PHACTR1: variants seen among roughly 807,000 people sequenced by gnomAD.
The protein encoded by PHACTR1 is phosphatase and actin regulator 1, also known as RPEL repeat containing 1.
A neutral mutation model predicts 69.2 loss-of-function variants in PHACTR1; 16 were observed. That is an observed-to-expected ratio of 0.23 (90% CI 0.16 to 0.35). The LOEUF (loss-of-function observed/expected upper bound fraction) is 0.35, where lower values mean the gene tolerates loss of function less well. Among genes scored for constraint, PHACTR1 ranks in the 10% least tolerant of loss-of-function variants. PHACTR1 has a pLI of 1.00. For missense variants in PHACTR1, 510 were observed against 734.7 expected (o/e 0.69, Z 3.54); for synonymous variants, 312 against 284.5 (o/e 1.10, Z -0.97).
chr6:13,187,844 G>A (rs1476872924), intron 7 of PHACTR1, among the ~76,000 whole-genome samples: 1 of 152,268 alleles, frequency 6.6e-6, no homozygotes, highest in African/African-American at 2.4e-5. Context: ...ATATCAGTGA[G>A]AAGAGAGAGA....
At chr6:13,000,871 T>C (rs535691325) in intron 4 of PHACTR1, among the ~76,000 whole-genome samples, 1 of 152,324 alleles carries the variant, frequency 6.6e-6, no homozygotes, top group Admixed American at 6.5e-5. Context: ...CCCAAGATAA[T>C]CTTCCAGTTG....
chr6:12,944,896 C>G (rs1325962565), intron 4 of PHACTR1, among the ~76,000 whole-genome samples: 2 of 151,862 alleles, frequency 1.3e-5, no homozygotes, highest in African/African-American at 4.8e-5. Context: ...CATTCTCCTG[C>G]TTCAGCCTCC....
intron 5 of PHACTR1, among the ~76,000 whole-genome samples, chr6:13,121,594 G>A (rs1315049485): frequency 1.3e-5 from 2 of 152,164 alleles, no homozygotes; most frequent in Non-Finnish European, 2.9e-5. Flanking sequence ...ATGCCAATTT[G>A]ATGAATGTGA....
chr6:12,897,698 T>TTTATTATTA (rs10526737), intron 4 of PHACTR1, among the ~76,000 whole-genome samples: 23,602 of 148,614 alleles, frequency 0.16, 2,147 homozygotes, highest in Middle Eastern at 0.22. Context: ...TTTGTAATCT[T>TTTATTATTA]TTATTATTAT....
chr6:13,164,445 G>A (rs904202475), intron 6 of PHACTR1, among the ~76,000 whole-genome samples: 3 of 152,090 alleles, frequency 2.0e-5, no homozygotes, highest in Non-Finnish European at 2.9e-5. Flanking sequence ...CAGCAAAATC[G>A]TTTCCACCAG....
chr6:12,868,621 G>A (rs910720212), intron 4 of PHACTR1, among the ~76,000 whole-genome samples: 4 of 152,082 alleles, frequency 2.6e-5, no homozygotes, highest in Admixed American at 2.6e-4. Context: ...AAAGAAAGGA[G>A]CAATGGGAAA....
At chr6:12,745,691 T>C (rs1467561245) in intron 3 of PHACTR1, among the ~76,000 whole-genome samples, 1 of 152,230 alleles carries the variant, frequency 6.6e-6, no homozygotes, top group Non-Finnish European at 1.5e-5. Context: ...ACCAATGTAT[T>C]TTCTTAGATT....
intron 2 of PHACTR1, 132 bp downstream of exon 2, chr6:12,717,875 T>C (rs1761590732): frequency 1.3e-5 from 2 of 152,214 alleles, no homozygotes; most frequent in Admixed American, 1.3e-4. Context: ...AGCTTGGTTT[T>C]AATGACTTTG....
intron 12 of PHACTR1, chr6:13,281,032 T>C (rs989720193): frequency 7.8e-7 from 1 of 1,289,670 alleles, no homozygotes; most frequent in Middle Eastern, 2.1e-4. Flanking sequence ...TCATTCCCTC[T>C]GAGCACTTGT....
chr6:12,776,713 G>A (rs568920000), intron 4 of PHACTR1, among the ~76,000 whole-genome samples: 4 of 152,156 alleles, frequency 2.6e-5, no homozygotes, highest in South Asian at 2.1e-4. Flanking sequence ...TCATTTATAC[G>A]TCTCTTCCCT....
chr6:13,046,729 C>T (rs1805118304), intron 4 of PHACTR1, among the ~76,000 whole-genome samples: 1 of 152,024 alleles, frequency 6.6e-6, no homozygotes, highest in Admixed American at 6.6e-5. Context: ...CCCATCCACT[C>T]CCCACTTTAC....
intron 4 of PHACTR1, among the ~76,000 whole-genome samples, chr6:12,837,312 A>G (rs571746162): frequency 1.3e-5 from 2 of 152,342 alleles, no homozygotes; most frequent in African/African-American, 4.8e-5. Context: ...GATATAAATT[A>G]TATACTTTTA....
At chr6:13,042,714 C>T (rs575985887) in intron 4 of PHACTR1, among the ~76,000 whole-genome samples, 13 of 152,250 alleles carry the variant, frequency 8.5e-5, no homozygotes, top group Admixed American at 2.0e-4. Context: ...CCTAGTGGAA[C>T]GCTTATTAGC....
chr6:13,017,281 C>G (rs1234330443), intron 4 of PHACTR1, among the ~76,000 whole-genome samples: 1 of 150,634 alleles, frequency 6.6e-6, no homozygotes, highest in African/African-American at 2.5e-5. Flanking sequence ...CCATTTATCT[C>G]TGCCACCTAC....
chr6:13,268,011 A>G (rs1358528386), intron 10 of PHACTR1, among the ~76,000 whole-genome samples: 1 of 152,168 alleles, frequency 6.6e-6, no homozygotes, highest in Non-Finnish European at 1.5e-5. Flanking sequence ...TCACACCTGT[A>G]ATCTCAGCAC....
intron 4 of PHACTR1, among the ~76,000 whole-genome samples, chr6:12,803,283 G>A (rs1025613803): frequency 1.3e-5 from 2 of 152,200 alleles, no homozygotes; most frequent in African/African-American, 4.8e-5. Context: ...AGAGGAGGCT[G>A]TGGCAGGACT....
chr6:13,100,691 C>A (rs576771703), intron 5 of PHACTR1, among the ~76,000 whole-genome samples: 1 of 152,276 alleles, frequency 6.6e-6, no homozygotes, highest in African/African-American at 2.4e-5. Flanking sequence ...TTAGGAAATC[C>A]TCTGTGGAGT....
intron 7 of PHACTR1, chr6:13,185,074 TC>T (rs1197943267): frequency 1.7e-6 from 2 of 1,204,784 alleles, no homozygotes; most frequent in Non-Finnish European, 2.2e-6. Context: ...TTTCTCTTGT[TC>T]TTTGAACTGA....
chr6:12,914,763 A>C (rs373390885), intron 4 of PHACTR1, among the ~76,000 whole-genome samples: 1 of 152,310 alleles, frequency 6.6e-6, no homozygotes, highest in East Asian at 1.9e-4. Flanking sequence ...ATGACAGTGG[A>C]GTAACTATAA....
Sources: gnomAD v4.1 joint callset for allele counts (sites outside exome capture counted in the v4.1 genomes callset) on GRCh38, gnomAD v4.1.1 for gene constraint, MANE v1.5 for transcripts, NCBI Gene and HGNC (gene_info 2026-07-23, HGNC 2026-07-21) for gene names.